The following RFX4 variants were observed in gnomAD, a reference collection of about 807,000 sequenced individuals.
RFX4 encodes the protein regulatory factor X4.
RFX4 carries 10 observed loss-of-function variants against 95.0 expected under a neutral mutation model. The observed-to-expected ratio is 0.11, with a 90% CI of 0.06 to 0.18. The LOEUF (loss-of-function observed/expected upper bound fraction) is 0.18. RFX4 is among the 10% of genes least tolerant of loss of function. RFX4 has a pLI of 1.00. For missense variants in RFX4, 640 were observed against 922.0 expected, an observed-to-expected ratio of 0.69 and a Z score of 3.96; for synonymous variants, 321 against 340.7, an observed-to-expected ratio of 0.94 and a Z score of 0.64.
intron 13 of RFX4, among the ~76,000 whole-genome samples, chr12:106,727,754 G>A (rs1310176638): frequency 6.6e-6 from 1 of 151,998 alleles, no homozygotes; most frequent in Admixed American, 6.6e-5. Flanking sequence ...CGAGTAGCTG[G>A]GATTACAGGT....
intron 2 of RFX4, among the ~76,000 whole-genome samples, chr12:106,626,750 A>G (rs1764006322): frequency 6.6e-6 from 1 of 152,104 alleles, no homozygotes; most frequent in African/African-American, 2.4e-5. Context: ...AAGAGCAGGA[A>G]CCCAATGGGA....
intron 4 of RFX4, among the ~76,000 whole-genome samples, chr12:106,676,001 G>A (rs1477374974): frequency 1.3e-5 from 2 of 152,170 alleles, no homozygotes; most frequent in African/African-American, 2.4e-5. Flanking sequence ...ACGGGAAGCA[G>A]GGCCAATGAG....
intron 7 of RFX4, among the ~76,000 whole-genome samples, chr12:106,692,787 C>A (rs2137438619): frequency 6.6e-6 from 1 of 152,266 alleles, no homozygotes; most frequent in South Asian, 2.1e-4. Context: ...TTGTTAAATG[C>A]CTACACGATG....
chr12:106,686,227 A>G (rs752246373), intron 5 of RFX4, among the ~76,000 whole-genome samples: 15 of 152,142 alleles, frequency 9.9e-5, no homozygotes, highest in Non-Finnish European at 2.1e-4. Flanking sequence ...CCTGACCAAC[A>G]TGATGGAACA....
In RFX4 at chr12:106,762,690, G is replaced by C. The variant is rs1191290963; in HGVS notation, c.*1221G>C. 1.3e-5 allele frequency: 2 copies of C among 152,478 alleles called. No homozygotes were observed. Among genetic ancestry groups the C allele is most frequent in the Non-Finnish European group, 2.9e-5 (2 of 68,012 alleles). The allele number at this position is 152,478 out of a possible 1,614,324, so 9.4% of individuals were successfully genotyped here. A position where few individuals can be genotyped will look rare whatever the true frequency, so the allele number is the denominator to read the frequency against. On this transcript the variant is annotated 3_prime_UTR_variant, in exon 18 of 18. Coordinates refer to ENST00000392842, the MANE Select transcript of RFX4 (RefSeq NM_213594.3). ...CAACTGTTCTGTAAATAAAATCTTT[G>C]ATCACACCACTCAGTGTGATAATTG... is the stretch of plus-strand genomic sequence containing the variant.
chr12:106,643,419 G>A (rs1386948940), intron 3 of RFX4, among the ~76,000 whole-genome samples: 2 of 152,160 alleles, frequency 1.3e-5, no homozygotes, highest in African/African-American at 4.8e-5. Flanking sequence ...AAGCAGTAGG[G>A]AAAAGAAAGT....
In RFX4 at chr12:106,591,575, T is replaced by G. The variant is rs920083923; in HGVS notation, c.43+8212T>G. On this transcript the variant is annotated intron_variant, in intron 1 of 17. Transcript: ENST00000392842. ...GCCATCGCGTCCGGCTAAAATAATC[T>G]TTTAAACTGTAAAGGCAAAATGTAT... Among the ~76,000 whole-genome samples the G allele has an allele frequency of 2.0e-5, 3 of 152,306 alleles. No individual in the cohort carries two copies. The East Asian group carries it at 5.8e-4, about 29-fold the overall frequency.
chr12:106,693,852 T>C (rs1209593374), intron 7 of RFX4, among the ~76,000 whole-genome samples: 1 of 152,242 alleles, frequency 6.6e-6, no homozygotes, highest in Non-Finnish European at 1.5e-5. Context: ...GTAGTGGTAG[T>C]GCCTCCATGA....
chr12:106,743,605 A>C (rs535146046), intron 15 of RFX4, among the ~76,000 whole-genome samples: 1 of 152,300 alleles, frequency 6.6e-6, no homozygotes, highest in African/African-American at 2.4e-5. Flanking sequence ...CAACAAATTC[A>C]ATGGAACGAA....
intron 4 of RFX4, among the ~76,000 whole-genome samples, chr12:106,664,328 A>T (rs920370107): frequency 6.6e-6 from 1 of 151,836 alleles, no homozygotes; most frequent in African/African-American, 2.4e-5. Flanking sequence ...TAGATTATCG[A>T]ATCTGTGGGC....
chr12:106,672,591 T>G (rs1016993991), intron 4 of RFX4, among the ~76,000 whole-genome samples: 1 of 152,216 alleles, frequency 6.6e-6, no homozygotes, highest in African/African-American at 2.4e-5. Flanking sequence ...TTTTACTGTT[T>G]GCTGAGTCTT....
At chr12:106,608,122 G>C (rs1338210989) in intron 1 of RFX4, among the ~76,000 whole-genome samples, 1 of 152,182 alleles carries the variant, frequency 6.6e-6, no homozygotes, top group Non-Finnish European at 1.5e-5. Context: ...CCGGGAGGCG[G>C]AGGTTGCAGT....
chr12:106,720,109 C>T lies in RFX4; in HGVS notation c.1233+55C>T, dbSNP rs1007541217. ...TTGGGCCCTGCAGCCCACCACTGCC[C>T]TCTGTGAACTTGGCCAAGACAAAGC... is the stretch of plus-strand genomic sequence containing the variant. On this transcript the variant is annotated intron_variant, in intron 12 of 17. Coordinates refer to ENST00000392842, the MANE Select transcript of RFX4 (RefSeq NM_213594.3). The surrounding 1 kb of genome is among the most constrained non-coding windows in gnomAD (Gnocchi z 4.2). The T allele has an allele frequency of 6.9e-7, 1 of 1,442,938 alleles. No homozygotes were observed. The highest frequency in any genetic ancestry group is 1.4e-5 in the African/African-American group (1 of 71,392). 89.4% of individuals were successfully genotyped at this position (1,442,938 alleles called of 1,614,324 possible).
intron 1 of RFX4, among the ~76,000 whole-genome samples, chr12:106,587,380 T>C (rs907940152): frequency 2.6e-5 from 4 of 152,020 alleles, no homozygotes. Context: ...ATGAGTGCAG[T>C]TGGGGTGACT....
intron 4 of RFX4, among the ~76,000 whole-genome samples, chr12:106,661,572 A>G (rs759613429): frequency 1.3e-5 from 2 of 152,238 alleles, no homozygotes; most frequent in South Asian, 4.1e-4. Context: ...AGTTTATATT[A>G]GAATTCACTC....
At chr12:106,660,742 C>T (rs895657114) in intron 4 of RFX4, among the ~76,000 whole-genome samples, 8 of 152,070 alleles carry the variant, frequency 5.3e-5, no homozygotes, top group East Asian at 3.9e-4. Context: ...AGTGGGTGGG[C>T]GAGTGAGCGA....
At chr12:106,628,792 C>T (rs894882644) in intron 2 of RFX4, among the ~76,000 whole-genome samples, 23 of 145,870 alleles carry the variant, frequency 1.6e-4, no homozygotes, top group African/African-American at 5.4e-4. Context: ...GACAGAGTCT[C>T]GCTCTGTCAC....
At chr12:106,631,674 C>T (rs2035725427) in intron 2 of RFX4, among the ~76,000 whole-genome samples, 1 of 152,214 alleles carries the variant, frequency 6.6e-6, no homozygotes, top group Non-Finnish European at 1.5e-5. Context: ...TCACTGGTGC[C>T]TTCATCTTGA....
At chr12:106,601,290 G>T (rs1279499373) in intron 1 of RFX4, 6 of 1,593,688 alleles carry the variant, frequency 3.8e-6, no homozygotes, top group Non-Finnish European at 5.1e-6. Context: ...ATCAAAAGGA[G>T]AGCCCACCCT....
Sources: allele counts gnomAD v4.1 joint callset (sites outside exome capture counted in the v4.1 genomes callset), GRCh38; gene constraint gnomAD v4.1.1; non-coding constraint Gnocchi (gnomAD v3.1); transcripts MANE v1.5; gene names NCBI Gene and HGNC (gene_info 2026-07-23, HGNC 2026-07-21).